Variants in GPR39 observed in about 807,000 individuals in gnomAD.
GPR39 encodes zinc sensing receptor.
In GPR39, 23 loss-of-function variants were observed where a neutral mutation model predicts 18.4. That is an observed-to-expected ratio of 1.25 (90% CI 0.90 to 1.77). GPR39 has a LOEUF of 1.77. Among genes scored for constraint, GPR39 ranks in the 40% most tolerant of loss-of-function variants. The pLI is 0.00. For missense variants in GPR39, 647 were observed against 602.4 expected, an observed-to-expected ratio of 1.07 and a Z score of -0.78; for synonymous variants, 280 against 257.9, an observed-to-expected ratio of 1.09 and a Z score of -0.82.
chr2:132,540,724 C>A (rs1679846744), intron 1 of GPR39, among the ~76,000 whole-genome samples: 1 of 151,802 alleles, frequency 6.6e-6, no homozygotes, highest in Non-Finnish European at 1.5e-5. Context: ...TAAAGGCAAT[C>A]TTGGTGTTAC....
chr2:132,527,674 C>T (rs916151682), intron 1 of GPR39, among the ~76,000 whole-genome samples: 23 of 152,180 alleles, frequency 1.5e-4, no homozygotes, highest in African/African-American at 5.5e-4. Flanking sequence ...TTTTGATTTG[C>T]ATTTCTCTAA....
chr2:132,600,762 T>C (rs1573691215), intron 1 of GPR39, among the ~76,000 whole-genome samples: 1 of 152,154 alleles, frequency 6.6e-6, no homozygotes, highest in East Asian at 1.9e-4. Context: ...ACATTATTTC[T>C]GAATTCTACC....
intron 1 of GPR39, among the ~76,000 whole-genome samples, chr2:132,602,739 A>G (rs968725624): frequency 1.9e-4 from 29 of 151,960 alleles, no homozygotes; most frequent in African/African-American, 6.5e-4. Flanking sequence ...TTGAATAGAC[A>G]TTTCTCTAAA....
intron 1 of GPR39, among the ~76,000 whole-genome samples, chr2:132,468,193 G>A (rs1558807043): frequency 6.6e-6 from 1 of 152,112 alleles, no homozygotes; most frequent in Non-Finnish European, 1.5e-5. Flanking sequence ...CATATTTCAA[G>A]TACCTGTGGT....
intron 1 of GPR39, among the ~76,000 whole-genome samples, chr2:132,591,277 AC>A (rs61507759): frequency 0.077 from 2,816 of 36,714 alleles, 378 homozygotes; most frequent in East Asian, 0.3. Context: ...AAAAAAAAAA[AC>A]AAAAAAAAAC....
intron 1 of GPR39, among the ~76,000 whole-genome samples, chr2:132,487,637 C>T (rs1681367578): frequency 6.6e-6 from 1 of 151,984 alleles, no homozygotes; most frequent in Non-Finnish European, 1.5e-5. Context: ...TTATAATAGT[C>T]AAAATTTAAT....
chr2:132,487,282 G>A (rs955466645), intron 1 of GPR39, among the ~76,000 whole-genome samples: 5 of 152,168 alleles, frequency 3.3e-5, no homozygotes, highest in East Asian at 3.9e-4. Flanking sequence ...TATTCTTACT[G>A]TATTTCACTG....
intron 1 of GPR39, among the ~76,000 whole-genome samples, chr2:132,613,607 A>G (rs757917641): frequency 6.6e-6 from 1 of 152,246 alleles, no homozygotes. Context: ...AAATTCTGCA[A>G]TGTTCATTGC....
intron 1 of GPR39, among the ~76,000 whole-genome samples, chr2:132,537,030 A>C (rs1679770927): frequency 1.3e-5 from 2 of 152,186 alleles, no homozygotes; most frequent in African/African-American, 4.8e-5. Flanking sequence ...CCAATTTGGC[A>C]GTCCGTGTCT....
intron 1 of GPR39, among the ~76,000 whole-genome samples, chr2:132,502,713 A>G (rs889108915): frequency 6.6e-6 from 1 of 152,130 alleles, no homozygotes; most frequent in Non-Finnish European, 1.5e-5. Context: ...AATTATTCTT[A>G]GGTTTGGACA....
At chr2:132,632,488 A>T (rs186536444) in intron 1 of GPR39, among the ~76,000 whole-genome samples, 35 of 152,292 alleles carry the variant, frequency 2.3e-4, no homozygotes, top group African/African-American at 7.9e-4. Context: ...TTTGCGACTC[A>T]GAAAGCATTG....
At position 132,646,460 on chromosome 2, in the gene GPR39, C is replaced by G. The variant is rs115636398; in HGVS notation, c.*854C>G. 0.01 allele frequency: 4,239 copies of G among 412,250 alleles called. 159 individuals carry two copies. Among genetic ancestry groups the G allele is most frequent in the African/African-American group, 0.078 (3,797 of 48,936 alleles). 25.5% of individuals were successfully genotyped at this position (412,250 alleles called of 1,614,324 possible). Reference sequence around the variant, plus strand: ...TATTCAAGATAGATGGTGAAAGAGACAGGCACTATTTCATTAGTTTTAACA... The same window carrying G: ...TATTCAAGATAGATGGTGAAAGAGAGAGGCACTATTTCATTAGTTTTAACA... On this transcript the variant is annotated 3_prime_UTR_variant, in exon 2 of 2. Transcript: ENST00000329321.
At chr2:132,596,177 G>A (rs1305898415) in intron 1 of GPR39, among the ~76,000 whole-genome samples, 1 of 152,160 alleles carries the variant, frequency 6.6e-6, no homozygotes, top group African/African-American at 2.4e-5. Context: ...TGCCCCCACT[G>A]AGATTTTTTT....
At chr2:132,598,429 A>G (rs1354571552) in intron 1 of GPR39, among the ~76,000 whole-genome samples, 1 of 84,580 alleles carries the variant, frequency 1.2e-5, no homozygotes, top group Non-Finnish European at 2.3e-5. Context: ...GTCTAAGGTG[A>G]ACTTTTTTTT....
chr2:132,550,978 G>C (rs1196133522), intron 1 of GPR39, among the ~76,000 whole-genome samples: 1 of 152,178 alleles, frequency 6.6e-6, no homozygotes, highest in African/African-American at 2.4e-5. Context: ...TGGAGGAAGA[G>C]CACTGATGGC....
chr2:132,440,300 A>G (rs571523732), intron 1 of GPR39, among the ~76,000 whole-genome samples: 1 of 152,320 alleles, frequency 6.6e-6, no homozygotes, highest in South Asian at 2.1e-4. Flanking sequence ...TTTGAAAACC[A>G]TCTCTCGCCT....
At chr2:132,537,642 C>A (rs573509841) in intron 1 of GPR39, among the ~76,000 whole-genome samples, 59 of 151,998 alleles carry the variant, frequency 3.9e-4, no homozygotes, top group African/African-American at 1.4e-3. Flanking sequence ...GTGTGTTTTC[C>A]AACTTGGTTC....
chr2:132,597,822 A>G lies in GPR39; in HGVS notation c.857-47279A>G, dbSNP rs1680972323. 2.0e-5 allele frequency among the ~76,000 whole-genome samples: 3 copies of G among 152,330 alleles called. No homozygotes were observed. The South Asian group carries it at 6.2e-4, about 32-fold the overall frequency. Reference sequence around the variant, plus strand: ...CTAGGGGTAGGGAAGTCCAAACACTATTGACCCACTAGGCAGAAATTCAAA... The same window carrying G: ...CTAGGGGTAGGGAAGTCCAAACACTGTTGACCCACTAGGCAGAAATTCAAA... On this transcript the variant is annotated intron_variant, in intron 1 of 1. Transcript: ENST00000329321.
At chr2:132,524,636 G>A (rs1288536421) in intron 1 of GPR39, among the ~76,000 whole-genome samples, 4 of 151,950 alleles carry the variant, frequency 2.6e-5, no homozygotes, top group African/African-American at 9.7e-5. Context: ...GCTATAATTG[G>A]GTCTCTCCCA....
Sources: gnomAD v4.1 joint callset for allele counts (sites outside exome capture counted in the v4.1 genomes callset) on GRCh38, gnomAD v4.1.1 for gene constraint, MANE v1.5 for transcripts, NCBI Gene and HGNC (gene_info 2026-07-23, HGNC 2026-07-21) for gene names.